The following GRIN2A variants were observed in gnomAD, a reference collection of about 807,000 sequenced individuals.
The protein encoded by GRIN2A is glutamate receptor ionotropic, NMDA 2A.
Under a neutral mutation model 113.4 loss-of-function variants are expected in GRIN2A, and 22 were observed. That is an observed-to-expected ratio of 0.19 (90% CI 0.14 to 0.28). The LOEUF (loss-of-function observed/expected upper bound fraction) is 0.28, where lower values mean the gene tolerates loss of function less well. Ranked by LOEUF, GRIN2A falls within the 10% of genes least tolerant of loss-of-function variation. The probability of loss-of-function intolerance (pLI) is 1.00; values close to 1 mark genes in which losing one functional copy is unlikely to be tolerated. For synonymous variants in GRIN2A, 827 were observed against 738.4 expected, an observed-to-expected ratio of 1.12 and a Z score of -1.94; for missense variants, 1,502 against 1,887.0, an observed-to-expected ratio of 0.80 and a Z score of 3.78.
intron 11 of GRIN2A, among the ~76,000 whole-genome samples, chr16:9,778,461 T>C (rs1019759802): frequency 1.3e-5 from 2 of 152,234 alleles, no homozygotes; most frequent in Admixed American, 6.5e-5. Context: ...TCTGATGACT[T>C]ATCATGGGAA....
intron 2 of GRIN2A, among the ~76,000 whole-genome samples, chr16:10,136,342 A>T (rs1334922645): frequency 6.6e-6 from 1 of 152,190 alleles, no homozygotes; most frequent in South Asian, 2.1e-4. Flanking sequence ...CCAGCTAAAA[A>T]CAAGCTCAAA....
chr16:9,945,444 G>A (rs1231498053), intron 2 of GRIN2A, among the ~76,000 whole-genome samples: 1 of 152,166 alleles, frequency 6.6e-6, no homozygotes, highest in East Asian at 1.9e-4. Context: ...TAAGGAGCAA[G>A]AGAGAGTGGT....
intron 5 of GRIN2A, among the ~76,000 whole-genome samples, chr16:9,845,736 C>G (rs1022935335): frequency 6.6e-6 from 1 of 152,214 alleles, no homozygotes; most frequent in African/African-American, 2.4e-5. Context: ...TTCTTCTCAT[C>G]CTGTATATAT....
At chr16:9,949,818 T>A (rs1450618503) in intron 2 of GRIN2A, among the ~76,000 whole-genome samples, 1 of 151,916 alleles carries the variant, frequency 6.6e-6, no homozygotes, top group African/African-American at 2.4e-5. Flanking sequence ...GTTGTGGGTA[T>A]AAGAGATTGA....
intron 2 of GRIN2A, among the ~76,000 whole-genome samples, chr16:9,964,609 C>T (rs1057056492): frequency 1.3e-5 from 2 of 152,216 alleles, no homozygotes; most frequent in African/African-American, 4.8e-5. Context: ...GACTTTTCCA[C>T]CTTTCAGAGG....
At chr16:10,138,340 T>G (rs539083971) in intron 2 of GRIN2A, among the ~76,000 whole-genome samples, 15 of 152,042 alleles carry the variant, frequency 9.9e-5, no homozygotes, top group African/African-American at 3.1e-4. Context: ...GGAACAGAGG[T>G]TTAATTGACT....
chr16:10,093,215 G>A (rs946222012), intron 2 of GRIN2A, among the ~76,000 whole-genome samples: 3 of 152,176 alleles, frequency 2.0e-5, no homozygotes, highest in African/African-American at 4.8e-5. Flanking sequence ...GGCAGGGTCC[G>A]TATGTCATAA....
chr16:10,044,007 G>T (rs28587216), intron 2 of GRIN2A, among the ~76,000 whole-genome samples: 1 of 116,942 alleles, frequency 8.6e-6, no homozygotes, highest in Non-Finnish European at 1.7e-5. Context: ...GTGTGTGTGT[G>T]TATATATATA....
intron 7 of GRIN2A, among the ~76,000 whole-genome samples, chr16:9,837,838 A>G (rs1327636873): frequency 6.6e-6 from 1 of 152,258 alleles, no homozygotes; most frequent in Non-Finnish European, 1.5e-5. Flanking sequence ...CAAAAGGAAC[A>G]TAATGAGGTG....
At chr16:9,781,748 A>ATTT (rs1901949556) in intron 11 of GRIN2A, among the ~76,000 whole-genome samples, 1 of 152,178 alleles carries the variant, frequency 6.6e-6, no homozygotes, top group Non-Finnish European at 1.5e-5. Flanking sequence ...TTCTACATCT[A>ATTT]AGAGTTTGTT....
chr16:9,799,347 G>A (rs903272227), intron 10 of GRIN2A, among the ~76,000 whole-genome samples: 2 of 152,202 alleles, frequency 1.3e-5, no homozygotes, highest in African/African-American at 4.8e-5. Context: ...TTATGCTGCT[G>A]CAAGCCAAGG....
At chr16:10,047,333 C>T (rs184675012) in intron 2 of GRIN2A, among the ~76,000 whole-genome samples, 17 of 152,260 alleles carry the variant, frequency 1.1e-4, no homozygotes, top group African/African-American at 3.9e-4. Context: ...TCCAGAAAAT[C>T]GGGGTGATAA....
chr16:10,147,612 G>A (rs538095787), intron 2 of GRIN2A, among the ~76,000 whole-genome samples: 47 of 148,452 alleles, frequency 3.2e-4, no homozygotes, highest in Non-Finnish European at 3.6e-4. Context: ...TCTCCAGCCT[G>A]GGTAACACAG....
At chr16:10,126,619 T>G (rs1277023983) in intron 2 of GRIN2A, among the ~76,000 whole-genome samples, 2 of 152,222 alleles carry the variant, frequency 1.3e-5, no homozygotes, top group Non-Finnish European at 2.9e-5. Flanking sequence ...TCTTAATTTG[T>G]AAGTCATCTT....
chr16:9,974,283 G>A (rs1223321197), intron 2 of GRIN2A, among the ~76,000 whole-genome samples: 8 of 152,276 alleles, frequency 5.3e-5, no homozygotes, highest in East Asian at 1.9e-4. Flanking sequence ...AACCAGACCC[G>A]AAATCAGGCC....
intron 2 of GRIN2A, among the ~76,000 whole-genome samples, chr16:10,139,177 C>T (rs1286938824): frequency 1.3e-5 from 2 of 152,170 alleles, no homozygotes; most frequent in African/African-American, 2.4e-5. Context: ...TTCCTGAGAC[C>T]TAGGGGTGGA....
At chr16:10,038,109 T>C (rs1351360444) in intron 2 of GRIN2A, among the ~76,000 whole-genome samples, 2 of 152,078 alleles carry the variant, frequency 1.3e-5, no homozygotes, top group Non-Finnish European at 2.9e-5. Context: ...GTTCCAGAGG[T>C]TGGGAAGTCC....
intron 5 of GRIN2A, among the ~76,000 whole-genome samples, chr16:9,846,471 C>T (rs2042774336): frequency 1.3e-5 from 2 of 152,288 alleles, no homozygotes; most frequent in Admixed American, 1.3e-4. Flanking sequence ...ATCTCAAGGA[C>T]TGAGATCTGG....
At chr16:9,853,051 T>C (rs186997548) in intron 4 of GRIN2A, among the ~76,000 whole-genome samples, 517 of 152,244 alleles carry the variant, frequency 3.4e-3, no homozygotes, top group African/African-American at 0.011. Flanking sequence ...TAAGAGAGCA[T>C]ATAGGAGAAA....
Sources: allele counts gnomAD v4.1 joint callset (sites outside exome capture counted in the v4.1 genomes callset), GRCh38; gene constraint gnomAD v4.1.1; transcripts MANE v1.5; gene names NCBI Gene and HGNC (gene_info 2026-07-23, HGNC 2026-07-21).